Variants in OSBPL3 observed in about 807,000 individuals in gnomAD.
OSBPL3 encodes oxysterol binding protein like 3.
Under a neutral mutation model 120.1 loss-of-function variants are expected in OSBPL3, and 65 were observed. The ratio of observed to expected loss-of-function variants is 0.54; its 90% CI spans 0.44 to 0.67. The LOEUF is 0.67. OSBPL3 is among the 30% of genes least tolerant of loss of function. The pLI is 0.00. For synonymous variants in OSBPL3, 416 were observed against 402.6 expected, an observed-to-expected ratio of 1.03 and a Z score of -0.40; for missense variants, 1,004 against 1,082.1, an observed-to-expected ratio of 0.93 and a Z score of 1.01.
At position 24,827,848 on chromosome 7, in the gene OSBPL3, T is replaced by C. The variant is rs1477624507; in HGVS notation, c.1884+2920A>G. 6.6e-6 allele frequency among the ~76,000 whole-genome samples: 1 copy of C among 152,160 alleles called. No individual in the cohort carries two copies. The highest frequency in any genetic ancestry group is 1.5e-5 in the Non-Finnish European group (1 of 68,032). On this transcript the variant is annotated intron_variant, in intron 16 of 22. Coordinates refer to ENST00000313367, the MANE Select transcript of OSBPL3 (RefSeq NM_015550.4). This position sits in a 1 kb window ranked among gnomAD's most constrained non-coding sequence, Gnocchi z 5.1. ...CTGGCTGCCTGACAGCCATTTTCTG[T>C]CAGAGACTCACCAGCGACATCAAGT...
chr7:24,954,333 C>A (rs575786629), intron 1 of OSBPL3, among the ~76,000 whole-genome samples: 3 of 152,170 alleles, frequency 2.0e-5, no homozygotes, highest in African/African-American at 7.2e-5. Flanking sequence ...ATGTCAAAAT[C>A]TTTCAGTCCC....
rs117946180 is a variant in OSBPL3, at chr7:24,889,637, G to A, written c.96+2740C>T. The stretch of plus-strand genomic sequence containing the variant: ...AATAATGTGGCAAAAAAAAGATTAA[G>A]TATCTCCATGGATCAGAACCAAATA... On this transcript the variant is annotated intron_variant, in intron 2 of 22. Transcript: ENST00000313367. Among the ~76,000 whole-genome samples the A allele has an allele frequency of 3.7e-3, 562 of 152,184 alleles. 10 individuals are homozygous for A. The highest frequency in any genetic ancestry group is 0.025 in the Admixed American group (387 of 15,302).
Position 24,849,052 on chromosome 7 carries a change from A to G in OSBPL3, c.1266+17T>C. On this transcript the variant is annotated intron_variant, in intron 12 of 22. Coordinates refer to ENST00000313367, the MANE Select transcript of OSBPL3 (RefSeq NM_015550.4). The surrounding 1 kb of genome is among the most constrained non-coding windows in gnomAD (Gnocchi z 5.4). The stretch of plus-strand genomic sequence containing the variant: ...GCGGCAGCTGGGGAGACATTACCAG[A>G]CGAGAAACCTACCCACCTCTGCCAG... 1 of 1,585,768 alleles carries G rather than the reference A, an allele frequency of 6.3e-7. No homozygotes were observed. The highest frequency in any genetic ancestry group is 1.1e-5 in the South Asian group (1 of 90,276).
At chr7:24,886,246 A>G (rs1039060016) in intron 2 of OSBPL3, among the ~76,000 whole-genome samples, 1 of 150,418 alleles carries the variant, frequency 6.6e-6, no homozygotes, top group East Asian at 1.9e-4. Flanking sequence ...AGAATGTGTT[A>G]AAAAAAACAT....
chr7:24,849,611 C>T lies in OSBPL3; in HGVS notation c.1159-435G>A, dbSNP rs574194242. Among the ~76,000 whole-genome samples the T allele has an allele frequency of 6.6e-6, 1 of 152,286 alleles. No homozygotes were observed. Among genetic ancestry groups the T allele is most frequent in the African/African-American group, 2.4e-5 (1 of 41,550 alleles). On this transcript the variant is annotated intron_variant, in intron 11 of 22. Coordinates refer to ENST00000313367, the MANE Select transcript of OSBPL3 (RefSeq NM_015550.4). The surrounding 1 kb of genome is among the most constrained non-coding windows in gnomAD (Gnocchi z 5.4). The stretch of plus-strand genomic sequence containing the variant: ...GCTGGCCCCATCCCTTATGATTGGA[C>T]ATATTTCAATGTTACTTAATTATCA...
chr7:24,975,061 A>C (rs1002895853), intron 1 of OSBPL3, among the ~76,000 whole-genome samples: 2 of 152,250 alleles, frequency 1.3e-5, no homozygotes, highest in Non-Finnish European at 2.9e-5. Context: ...CAATTCAGAA[A>C]GGGTCTTTCA....
At chr7:24,847,924 A>C (rs1461963204) in intron 12 of OSBPL3, among the ~76,000 whole-genome samples, 1 of 152,208 alleles carries the variant, frequency 6.6e-6, no homozygotes, top group East Asian at 1.9e-4. Flanking sequence ...ACATAACTGA[A>C]AAGTGACCTC....
chr7:24,845,445 A>ATGTGTGTGTG (rs112776265), intron 12 of OSBPL3, among the ~76,000 whole-genome samples: 11 of 114,852 alleles, frequency 9.6e-5, no homozygotes, highest in South Asian at 3.1e-4. Flanking sequence ...ATTTGTGTGT[A>ATGTGTGTGTG]TGTGTGTGTG....
chr7:24,856,985 T>A (rs1799917884), intron 10 of OSBPL3, among the ~76,000 whole-genome samples: 1 of 152,186 alleles, frequency 6.6e-6, no homozygotes, highest in South Asian at 2.1e-4. Flanking sequence ...CTCAGCACAT[T>A]TATGCTGAAT....
At position 24,834,620 on chromosome 7, in the gene OSBPL3, T is replaced by C; in HGVS notation, c.1612A>G (p.Lys538Glu). The change falls in exon 15 of 23, where the codon AAG becomes GAG. Residue 538 changes from lysine (K) to glutamate (E), a missense_variant. Physicochemically the swap from Lys to Glu is moderately conservative, Grantham distance 56. Transcript: ENST00000313367. This position sits in a 1 kb window ranked among gnomAD's most constrained non-coding sequence, Gnocchi z 5.2. ...LWNILRNNIG[K>E]DLSKVAMPVE... ...GGCATGGCCACCTTGGACAGGTCCTTCCCGATGTTGTTCCTCAGGATGTTC... is the reference window on the plus strand; with the variant it reads ...GGCATGGCCACCTTGGACAGGTCCTCCCCGATGTTGTTCCTCAGGATGTTC... The C allele has an allele frequency of 6.2e-7, 1 of 1,614,204 alleles. No individual in the cohort carries two copies. The highest frequency in any genetic ancestry group is 1.1e-5 in the South Asian group (1 of 91,078).
rs1802174492 is a variant in OSBPL3 at position 24,871,926 on chromosome 7, T to C, written c.213+27A>G. On this transcript the variant is annotated intron_variant, in intron 3 of 22. Transcript: ENST00000313367. The surrounding 1 kb of genome is among the most constrained non-coding windows in gnomAD (Gnocchi z 4.8). ...CTGAGTGGGGCAGTGTGAGTGCAAA[T>C]AAAGGGGAGGCCAAGACCAACCTTA... is the stretch of plus-strand genomic sequence containing the variant. 1 of 1,544,026 alleles carries C rather than the reference T, an allele frequency of 6.5e-7. No individual in the cohort carries two copies. The highest frequency in any genetic ancestry group is 9.0e-7 in the Non-Finnish European group (1 of 1,116,416).
intron 1 of OSBPL3, among the ~76,000 whole-genome samples, chr7:24,929,607 T>A (rs1348681411): frequency 6.6e-6 from 1 of 152,162 alleles, no homozygotes; most frequent in African/African-American, 2.4e-5. Flanking sequence ...ACCACACTTT[T>A]TTTTTAAGGA....
In OSBPL3 at chr7:24,867,745, C is replaced by A. The variant is rs1801533418; in HGVS notation, c.382-1508G>T. Among the ~76,000 whole-genome samples the A allele has an allele frequency of 6.6e-6, 1 of 152,080 alleles. No individual in the cohort carries two copies. The highest frequency in any genetic ancestry group is 2.4e-5 in the African/African-American group (1 of 41,408). On this transcript the variant is annotated intron_variant, in intron 5 of 22. Transcript: ENST00000313367. This position sits in a 1 kb window ranked among gnomAD's most constrained non-coding sequence, Gnocchi z 4.5. Reference sequence around the variant, plus strand: ...TCAGCAGTGTGAAAACGAACTAATACAATATGTTAATGAATGTGAAAGTTA... The same window carrying A: ...TCAGCAGTGTGAAAACGAACTAATAAAATATGTTAATGAATGTGAAAGTTA...
intron 16 of OSBPL3, among the ~76,000 whole-genome samples, chr7:24,828,609 A>G (rs183104547): frequency 0.06 from 7,495 of 124,646 alleles, 529 homozygotes; most frequent in African/African-American, 0.13. Flanking sequence ...TCTGTCTGAA[A>G]AAAAAAAAAA....
chr7:24,979,291 A>AG (rs202080404), intron 1 of OSBPL3, among the ~76,000 whole-genome samples: 1 of 150,646 alleles, frequency 6.6e-6, no homozygotes, highest in Non-Finnish European at 1.5e-5. Flanking sequence ...GAAACTAACA[A>AG]AAAAAAAAAA....
chr7:24,970,218 C>A (rs1461392154), intron 1 of OSBPL3, among the ~76,000 whole-genome samples: 1 of 147,350 alleles, frequency 6.8e-6, no homozygotes, highest in Non-Finnish European at 1.5e-5. Flanking sequence ...AGCGATTCTT[C>A]TGCCTCAGCC....
In OSBPL3 at chr7:24,820,100, A is replaced by G. The variant is rs1019145967; in HGVS notation, c.1948+75T>C. 1.1e-5 allele frequency: 12 copies of G among 1,084,046 alleles called. No homozygotes were observed. In the African/African-American group the frequency reaches 1.3e-4, roughly 11 times the overall value. 67.2% of individuals were successfully genotyped at this position (1,084,046 alleles called of 1,614,324 possible). On this transcript the variant is annotated intron_variant, in intron 17 of 22. Transcript: ENST00000313367. This position sits in a 1 kb window ranked among gnomAD's most constrained non-coding sequence, Gnocchi z 4.6. ...CCACTTTTGATCTCAGTAAGAATTG[A>G]CAGCAATTCTTGGATAAAATAAATA...
At chr7:24,960,363 G>T (rs1251413545) in intron 1 of OSBPL3, among the ~76,000 whole-genome samples, 1 of 152,164 alleles carries the variant, frequency 6.6e-6, no homozygotes, top group African/African-American at 2.4e-5. Context: ...TATGAATCTT[G>T]ACCACAACCC....
intron 14 of OSBPL3, among the ~76,000 whole-genome samples, chr7:24,840,068 T>C (rs1797539800): frequency 6.6e-6 from 1 of 150,976 alleles, no homozygotes; most frequent in Admixed American, 6.6e-5. Context: ...ATACACTCAC[T>C]TTATAAAAAT....
Sources: gnomAD v4.1 joint callset for allele counts (sites outside exome capture counted in the v4.1 genomes callset) on GRCh38, gnomAD v4.1.1 for gene constraint, Gnocchi (gnomAD v3.1) non-coding constraint, MANE v1.5 for transcripts, NCBI Gene and HGNC (gene_info 2026-07-23, HGNC 2026-07-21) for gene names.